Variants in CEP164 observed in about 807,000 individuals in gnomAD.
CEP164 encodes the protein centrosomal protein 164.
Under a neutral mutation model 182.7 loss-of-function variants are expected in CEP164, and 162 were observed. That is an observed-to-expected ratio of 0.89 (90% CI 0.78 to 1.01). The LOEUF (loss-of-function observed/expected upper bound fraction) is 1.01. Among genes scored for constraint, CEP164 ranks in the 50% least tolerant of loss-of-function variants. CEP164 has a pLI of 0.00. For missense variants in CEP164, 1,735 were observed against 1,790.4 expected, an observed-to-expected ratio of 0.97 and a Z score of 0.56; for synonymous variants, 661 against 690.0, an observed-to-expected ratio of 0.96 and a Z score of 0.66.
intron 1 of CEP164, among the ~76,000 whole-genome samples, chr11:117,332,728 TC>T (rs1321879771): frequency 4.6e-5 from 7 of 152,184 alleles, no homozygotes; most frequent in African/African-American, 1.4e-4. Context: ...TGTGAGCCAC[TC>T]CTTTTTTGCC....
chr11:117,325,720 G>A (rs538383336), upstream of CEP164, among the ~76,000 whole-genome samples: 9 of 152,172 alleles, frequency 5.9e-5, no homozygotes, highest in Middle Eastern at 3.4e-3. Context: ...GAAAGGGGAC[G>A]ATGATTTGTC....
chr11:117,408,035 G>A lies in CEP164; in HGVS notation c.3609+3G>A, dbSNP rs148009946. On this transcript the variant is annotated splice_donor_region_variant and intron_variant, in intron 28 of 32. Transcript: ENST00000278935. ...TGGAGTCCTCTCTTTGGGAAGAGGTGCAGCCCCATGTCCACATAGTCCAGT... is the reference window on the plus strand; with the variant it reads ...TGGAGTCCTCTCTTTGGGAAGAGGTACAGCCCCATGTCCACATAGTCCAGT... The A allele has an allele frequency of 7.9e-5, 124 of 1,571,214 alleles. No homozygotes were observed. In the East Asian group the frequency reaches 2.7e-3, roughly 34 times the overall value.
At chr11:117,410,203 G>A (rs2047193118) in intron 30 of CEP164, 2 of 621,542 alleles carry the variant, frequency 3.2e-6, no homozygotes, top group Non-Finnish European at 5.8e-6. Context: ...GGTTGGGACG[G>A]TTTAGATGGA....
At position 117,394,880 on chromosome 11, in the gene CEP164, T is replaced by TA; in HGVS notation, c.2761-39dup. 1 of 1,601,286 alleles carries TA rather than the reference T, an allele frequency of 6.2e-7. No homozygotes were observed. The highest frequency in any genetic ancestry group is 8.6e-7 in the Non-Finnish European group (1 of 1,168,836). On this transcript the variant is annotated intron_variant, in intron 21 of 32. Coordinates refer to ENST00000278935, the MANE Select transcript of CEP164 (RefSeq NM_014956.5). This position sits in a 1 kb window ranked among gnomAD's most constrained non-coding sequence, Gnocchi z 4.0. ...CCCTCCTGCCCCTCAGCTAATGCCT[T>TA]ACACTCTTTCTATGCTTATGTGTTT...
At chr11:117,387,448 C>G in intron 15 of CEP164, 36 bp downstream of exon 15, 1 of 1,599,872 alleles carries the variant, frequency 6.3e-7, no homozygotes, top group Non-Finnish European at 8.6e-7. Context: ...TTCCTGGGGC[C>G]TTTCAGGGAT....
At chr11:117,361,781 C>G in intron 5 of CEP164, 54 bp from the exon 6 acceptor site, 1 of 1,598,426 alleles carries the variant, frequency 6.3e-7, no homozygotes, top group Non-Finnish European at 8.6e-7. Flanking sequence ...GTCTCCGACA[C>G]TCCCAGAGCC....
At chr11:117,377,609 C>T (rs576395418) in intron 11 of CEP164, among the ~76,000 whole-genome samples, 1 of 152,312 alleles carries the variant, frequency 6.6e-6, no homozygotes, top group East Asian at 1.9e-4. Flanking sequence ...TTCCTGTGCG[C>T]TCTTGCCCAT....
intron 1 of CEP164, among the ~76,000 whole-genome samples, chr11:117,331,562 C>G (rs990663559): frequency 2.0e-5 from 3 of 152,086 alleles, no homozygotes; most frequent in African/African-American, 7.2e-5. Context: ...GGTGAAGCAC[C>G]TTGCCTAAGG....
Position 117,382,921 on chromosome 11 carries a change from C to G in CEP164, c.1703C>G (p.Thr568Ser). Residue 568 changes from threonine (T) to serine (S), a missense_variant, in exon 14 of 33, where the codon ACC becomes AGC. By Grantham distance (58) the Thr-to-Ser change is moderately conservative (BLOSUM62 1). Transcript: ENST00000278935. ...GAGGAGAAGGTGGCGGTCAGCCCCA[C>G]CCCGCCAGTCTCTCCAGAGGTGTAA... ...DPEEKVAVSP[T>S]PPVSPEVRST... The G allele has an allele frequency of 6.2e-7, 1 of 1,608,978 alleles. No individual in the cohort carries two copies. The highest frequency in any genetic ancestry group is 8.5e-7 in the Non-Finnish European group (1 of 1,177,262).
At position 117,397,079 on chromosome 11, in the gene CEP164, C is replaced by A. The variant is rs749577674; in HGVS notation, c.3279-12C>A. On this transcript the variant is annotated splice_polypyrimidine_tract_variant and intron_variant, in intron 26 of 32. Coordinates refer to ENST00000278935, the MANE Select transcript of CEP164 (RefSeq NM_014956.5). ...AGGCTTCTGTTTTCCTTCTTCAACT[C>A]TCCTGCTCCAGCCTGTCCTCCCACA... The A allele has an allele frequency of 4.3e-6, 7 of 1,611,410 alleles. No homozygotes were observed. In the Admixed American group the frequency reaches 1.2e-4, roughly 27 times the overall value.
Position 117,395,628 on chromosome 11 carries a change from G to C in CEP164, c.2995G>C (p.Glu999Gln), listed in dbSNP as rs1440947207. The C allele has an allele frequency of 6.2e-7, 1 of 1,613,968 alleles. No individual in the cohort carries two copies. Among genetic ancestry groups the C allele is most frequent in the Non-Finnish European group, 8.5e-7 (1 of 1,180,028 alleles). Reference sequence around the variant, plus strand: ...GTTGCAGTCAAACCAGCAGCTCCGAGAAATTCTTGATGAGCTGCAGGCCCG... The same window carrying C: ...GTTGCAGTCAAACCAGCAGCTCCGACAAATTCTTGATGAGCTGCAGGCCCG... ...HLLQSNQQLR[E>Q]ILDELQARKL... The change falls in exon 24 of 33, where the codon GAA becomes CAA. Residue 999 changes from glutamate to glutamine, a missense_variant. Physicochemically the swap from Glu to Gln is conservative, Grantham distance 29. Coordinates refer to ENST00000278935, the MANE Select transcript of CEP164 (RefSeq NM_014956.5).
intron 3 of CEP164, among the ~76,000 whole-genome samples, chr11:117,339,973 C>G (rs1258606490): frequency 1.3e-5 from 2 of 152,104 alleles, no homozygotes; most frequent in Admixed American, 1.3e-4. Flanking sequence ...TTGCTAGAAT[C>G]CACCTCCAGG....
chr11:117,390,025 C>T (rs939402060), intron 15 of CEP164, among the ~76,000 whole-genome samples: 13 of 149,950 alleles, frequency 8.7e-5, no homozygotes, highest in Non-Finnish European at 1.8e-4. Context: ...TCACTGCAAC[C>T]TCTGCCTCCC....
Position 117,395,669 on chromosome 11 carries a change from G to T in CEP164, c.3036G>T (p.Glu1012Asp). Residue 1012 changes from glutamate to aspartate, a missense_variant, in exon 24 of 33, where the codon GAG (glutamate) becomes GAT (aspartate). Physicochemically the swap from Glu to Asp is conservative, Grantham distance 45. Transcript: ENST00000278935. ...TGCAGGCCCGCAAGCTGAAGCTGGA[G>T]TCCCAAGTGGATCTGCTGCAGGCTC... ...DELQARKLKL[E>D]SQVDLLQAQS... 2.5e-6 allele frequency: 4 copies of T among 1,613,510 alleles called. No individual in the cohort carries two copies. The highest frequency in any genetic ancestry group is 2.5e-6 in the Non-Finnish European group (3 of 1,180,004).
intron 11 of CEP164, among the ~76,000 whole-genome samples, chr11:117,377,191 A>G (rs1043143770): frequency 2.0e-5 from 3 of 152,250 alleles, no homozygotes; most frequent in Admixed American, 6.5e-5. Flanking sequence ...GTTTTTCCAG[A>G]TGGGGCCAGG....
chr11:117,332,150 A>G (rs2036321170), intron 1 of CEP164, among the ~76,000 whole-genome samples: 1 of 152,052 alleles, frequency 6.6e-6, no homozygotes, highest in Non-Finnish European at 1.5e-5. Flanking sequence ...ATTAGCAGTT[A>G]CAGCAGTAAC....
At chr11:117,329,497 T>C (rs1169947955) in intron 1 of CEP164, among the ~76,000 whole-genome samples, 1 of 152,182 alleles carries the variant, frequency 6.6e-6, no homozygotes, top group Non-Finnish European at 1.5e-5. Context: ...ACTTACATAT[T>C]CTGCTCTACC....
At chr11:117,327,252 C>G (rs112917279), upstream of CEP164, among the ~76,000 whole-genome samples, 1 of 152,046 alleles carries the variant, frequency 6.6e-6, no homozygotes, top group African/African-American at 2.4e-5. Context: ...GGAGTGGACG[C>G]GTCTCCATTA....
At chr11:117,407,790 T>C (rs1230281948) in intron 27 of CEP164, 135 bp from the exon 28 acceptor site, 1 of 599,810 alleles carries the variant, frequency 1.7e-6, no homozygotes, top group African/African-American at 1.9e-5. Flanking sequence ...CTGTGAAAAG[T>C]CATAGTTCTC....
Sources: gnomAD v4.1 joint callset for allele counts (sites outside exome capture counted in the v4.1 genomes callset) on GRCh38, gnomAD v4.1.1 for gene constraint, Gnocchi (gnomAD v3.1) non-coding constraint, MANE v1.5 for transcripts, NCBI Gene and HGNC (gene_info 2026-07-23, HGNC 2026-07-21) for gene names.